GK5: variants seen among roughly 807,000 people sequenced by gnomAD.
GK5 encodes the protein ATP:glycerol 3-phosphotransferase 5.
GK5 carries 39 observed loss-of-function variants against 77.3 expected under a neutral mutation model. That is an observed-to-expected ratio of 0.50 (90% CI 0.39 to 0.66). The LOEUF (loss-of-function observed/expected upper bound fraction) is 0.66. GK5 is among the 30% of genes least tolerant of loss of function. The pLI is 0.00. For synonymous variants in GK5, 211 were observed against 208.0 expected, an observed-to-expected ratio of 1.01 and a Z score of -0.13; for missense variants, 487 against 633.8, an observed-to-expected ratio of 0.77 and a Z score of 2.49.
chr3:142,172,150 G>A (rs551163833), intron 13 of GK5, among the ~76,000 whole-genome samples: 2 of 152,160 alleles, frequency 1.3e-5, no homozygotes, highest in Admixed American at 6.5e-5. Flanking sequence ...TCTGAGTGGT[G>A]TTGGTACATT....
At chr3:142,225,282 C>T in intron 1 of GK5, 27 bp downstream of exon 1, 1 of 1,516,840 alleles carries the variant, frequency 6.6e-7, no homozygotes, top group Non-Finnish European at 8.8e-7. Flanking sequence ...CAGTCAGACC[C>T]GCGCCCCACG....
intron 5 of GK5, among the ~76,000 whole-genome samples, chr3:142,193,262 AT>A (rs965788840): frequency 3.7e-4 from 56 of 152,322 alleles, no homozygotes; most frequent in African/African-American, 1.2e-3. Context: ...AAGTGTATTA[AT>A]TTTTTAGAAA....
At chr3:142,199,648 A>G (rs908951063) in intron 4 of GK5, among the ~76,000 whole-genome samples, 54 of 152,082 alleles carry the variant, frequency 3.6e-4, no homozygotes, top group African/African-American at 1.3e-3. Context: ...GATTTTATTT[A>G]ATACTACCTA....
intron 3 of GK5, 60 bp from the exon 4 acceptor site, chr3:142,204,848 G>A (rs760396064): frequency 2.1e-6 from 2 of 964,720 alleles, no homozygotes; most frequent in Non-Finnish European, 3.2e-6. Flanking sequence ...TGTTAAAGAT[G>A]TGCCATAAGA....
rs767366390 is a variant in GK5, at chr3:142,198,781, A to G, written c.543+21T>C. The G allele has an allele frequency of 3.8e-6, 6 of 1,597,382 alleles. No homozygotes were observed. The East Asian group carries it at 1.1e-4, about 30-fold the overall frequency. ...TTCCACATACACACATATTTTCCAC[A>G]TACACACAGTATTTTCTTACCTCAG... is the stretch of plus-strand genomic sequence containing the variant. On this transcript the variant is annotated intron_variant, in intron 5 of 15. Transcript: ENST00000392993.
chr3:142,178,541 T>G (rs1331573547), intron 11 of GK5, among the ~76,000 whole-genome samples: 1 of 152,226 alleles, frequency 6.6e-6, no homozygotes, highest in African/African-American at 2.4e-5. Flanking sequence ...GATACAAATT[T>G]CTTTTGTTAA....
At chr3:142,222,630 T>C (rs369976611) in intron 1 of GK5, among the ~76,000 whole-genome samples, 1 of 151,814 alleles carries the variant, frequency 6.6e-6, no homozygotes, top group East Asian at 1.9e-4. Context: ...TTTCTAGTCC[T>C]AGTGCAGTAA....
In GK5 at chr3:142,165,674, T is replaced by C; in HGVS notation, c.1538A>G (p.Glu513Gly). ...KKCQEYEMSL[E>G]NWAKAVKRSM... ...GCGTTTCACTGCTTTGGCCCAGTTT[T>C]CCAGACTCATTTCATATTCTTGACA... The change falls in exon 16 of 16, where the codon GAA becomes GGA. Residue 513 changes from glutamate (E) to glycine (G), a missense_variant. Glu to Gly is a moderately conservative substitution (Grantham distance 98). Around this residue, in one of 4 missense-constraint regions of GK5, gnomAD observed 65 missense variants for 89.9 expected, o/e 0.72. Coordinates refer to ENST00000392993, the MANE Select transcript of GK5 (RefSeq NM_001039547.3). 6 of 1,613,466 alleles carry C rather than the reference T, an allele frequency of 3.7e-6. No homozygotes were observed. The highest frequency in any genetic ancestry group is 3.4e-6 in the Non-Finnish European group (4 of 1,179,728).
intron 3 of GK5, among the ~76,000 whole-genome samples, chr3:142,208,444 T>C (rs2064142582): frequency 6.6e-6 from 1 of 152,234 alleles, no homozygotes; most frequent in African/African-American, 2.4e-5. Context: ...AGGTCTTTGA[T>C]GCATTTTGGG....
chr3:142,212,788 T>G (rs1304423755), intron 3 of GK5, among the ~76,000 whole-genome samples: 3 of 151,664 alleles, frequency 2.0e-5, no homozygotes, highest in Admixed American at 6.6e-5. Context: ...TATAACTGTG[T>G]TTAGAGTATA....
intron 3 of GK5, among the ~76,000 whole-genome samples, chr3:142,211,954 G>C (rs1043279330): frequency 6.6e-6 from 1 of 152,074 alleles, no homozygotes; most frequent in African/African-American, 2.4e-5. Flanking sequence ...CTACTACCCA[G>C]CCCATTCCTC....
chr3:142,167,174 G>C (rs1577102444), intron 15 of GK5, among the ~76,000 whole-genome samples: 2 of 151,976 alleles, frequency 1.3e-5, no homozygotes, highest in Admixed American at 1.3e-4. Context: ...AGGAGTTTGA[G>C]ATCACCTTGG....
chr3:142,220,187 G>A (rs1453448338), intron 1 of GK5, among the ~76,000 whole-genome samples: 1 of 152,118 alleles, frequency 6.6e-6, no homozygotes, highest in African/African-American at 2.4e-5. Context: ...GCCCAGGCTG[G>A]AGAGCAGTGG....
At chr3:142,185,660 A>T in intron 9 of GK5, 1 of 1,249,266 alleles carries the variant, frequency 8.0e-7, no homozygotes, top group Non-Finnish European at 1.0e-6. Context: ...ATTTTTTTTA[A>T]TTTAAGTTTT....
At chr3:142,165,803 G>A (rs2108777891) in intron 15 of GK5, 33 bp from the exon 16 acceptor site, 1 of 1,486,310 alleles carries the variant, frequency 6.7e-7, no homozygotes, top group Non-Finnish European at 9.1e-7. Context: ...CAAATTTTAA[G>A]GCAAATCATG....
At chr3:142,224,444 T>G (rs893842791) in intron 1 of GK5, among the ~76,000 whole-genome samples, 1 of 152,188 alleles carries the variant, frequency 6.6e-6, no homozygotes, top group Non-Finnish European at 1.5e-5. Context: ...AAGAACACCA[T>G]AACAAATAAA....
At chr3:142,208,652 A>T (rs6803289) in intron 3 of GK5, among the ~76,000 whole-genome samples, 60,324 of 152,120 alleles carry the variant, frequency 0.4, 12,673 homozygotes, top group Admixed American at 0.47. Flanking sequence ...ATTCTACAAC[A>T]GCACATACTT....
intron 1 of GK5, among the ~76,000 whole-genome samples, chr3:142,217,983 G>GA (rs1318695570): frequency 6.6e-6 from 1 of 150,838 alleles, no homozygotes; most frequent in Non-Finnish European, 1.5e-5. Flanking sequence ...AGTCAGAGAG[G>GA]AAAAAAAAGA....
At chr3:142,170,139 G>A (rs1456913872) in intron 15 of GK5, 186 bp downstream of exon 15, 1 of 706,932 alleles carries the variant, frequency 1.4e-6, no homozygotes, top group Admixed American at 2.0e-5. Flanking sequence ...GATAGAAGAG[G>A]TGCAACCAGA....
Sources: allele counts gnomAD v4.1 joint callset (sites outside exome capture counted in the v4.1 genomes callset), GRCh38; gene constraint gnomAD v4.1.1; regional missense constraint gnomAD v4.1.1; transcripts MANE v1.5; gene names NCBI Gene and HGNC (gene_info 2026-07-23, HGNC 2026-07-21).